Variants in AGAP2 observed in about 807,000 individuals in gnomAD.
AGAP2 encodes ArfGAP with GTPase domain, ankyrin repeat and PH domain 2.
Under a neutral mutation model 110.9 loss-of-function variants are expected in AGAP2, and 32 were observed. The ratio of observed to expected loss-of-function variants is 0.29; its 90% CI spans 0.22 to 0.39. The LOEUF (loss-of-function observed/expected upper bound fraction) is 0.39. Among genes scored for constraint, AGAP2 ranks in the 10% least tolerant of loss-of-function variants. The pLI is 1.00. For missense variants in AGAP2, 1,285 were observed against 1,638.5 expected (o/e 0.78, Z 3.72); for synonymous variants, 702 against 713.0 (o/e 0.98, Z 0.25).
In AGAP2 at chr12:57,727,064, G is replaced by T; in HGVS notation, c.3246C>A (p.Leu1082=). The change falls in exon 18 of 19, where the codon CTC becomes CTA. Residue 1082 remains leucine (L), a synonymous_variant. Coordinates refer to ENST00000547588, the MANE Select transcript of AGAP2 (RefSeq NM_001122772.3). ...LLLAHARHGP[L]DTSVEDPQLR... is the part of the protein sequence containing the mutation. Reference sequence around the variant, plus strand: ...GCTGTGGGTCCTCTACGCTGGTGTCGAGCGGCCCGTGTCGCGCATGGGCCA... The same window carrying T: ...GCTGTGGGTCCTCTACGCTGGTGTCTAGCGGCCCGTGTCGCGCATGGGCCA... 6.2e-7 allele frequency: 1 copy of T among 1,600,314 alleles called. No homozygotes were observed. Among genetic ancestry groups the T allele is most frequent in the Non-Finnish European group, 8.5e-7 (1 of 1,174,336 alleles).
chr12:57,728,916 C>T (rs1221124843), intron 13 of AGAP2, among the ~76,000 whole-genome samples: 1 of 152,088 alleles, frequency 6.6e-6, no homozygotes, highest in Non-Finnish European at 1.5e-5. Flanking sequence ...TCCCCACCGC[C>T]TGTAATCCCA....
chr12:57,733,180 G>A (rs1595089450), intron 5 of AGAP2, among the ~76,000 whole-genome samples: 1 of 151,340 alleles, frequency 6.6e-6, no homozygotes, highest in Non-Finnish European at 1.5e-5. Context: ...ACCTAGCTGG[G>A]TGAGCTGTGT....
intron 5 of AGAP2, 76 bp downstream of exon 5, chr12:57,733,950 C>A (rs182896976): frequency 4.0e-6 from 6 of 1,487,584 alleles, no homozygotes; most frequent in Non-Finnish European, 5.4e-6. Flanking sequence ...ACCAAGTTCT[C>A]ACCCATGTTG....
At position 57,730,554 on chromosome 12, in the gene AGAP2, T is replaced by A. The variant is rs757577606; in HGVS notation, c.2369A>T (p.Asp790Val). 1.2e-5 allele frequency: 20 copies of A among 1,614,050 alleles called. 1 individual carries two copies. The South Asian group carries it at 2.2e-4, about 18-fold the overall frequency. Residue 790 changes from aspartate (D) to valine (V), a missense_variant, in exon 12 of 19, where the codon GAT (aspartate) becomes GTT (valine). By Grantham distance (152) the Asp-to-Val change is radical. Coordinates refer to ENST00000547588, the MANE Select transcript of AGAP2 (RefSeq NM_001122772.3). ...CTTCAGCAGGTGTTTGGATGTCTGA[T>A]CTGGTGGTGGCTGCAGGGAACTGGG... ...PSPSSLQPPP[D>V]QTSKHLLKPD...
upstream of AGAP2, among the ~76,000 whole-genome samples, chr12:57,740,795 G>A (rs1350059528): frequency 2.0e-5 from 3 of 152,122 alleles, no homozygotes; most frequent in East Asian, 5.8e-4. Context: ...ACTAGCCTCC[G>A]AAGAACAATG....
rs1954959976 is a variant in AGAP2, at chr12:57,735,354, G to A, written c.1227+15C>T. ...GGTCAGCCTTCCCTATAGGCAAGGG[G>A]ACTGGGTTACCTACCAGGCGCAGTT... On this transcript the variant is annotated intron_variant, in intron 2 of 18. Coordinates refer to ENST00000547588, the MANE Select transcript of AGAP2 (RefSeq NM_001122772.3). 1.2e-6 allele frequency: 2 copies of A among 1,613,646 alleles called. No individual in the cohort carries two copies. The highest frequency in any genetic ancestry group is 2.2e-5 in the South Asian group (2 of 90,944).
rs144509068 is a variant in AGAP2 at position 57,730,521 on chromosome 12, C to T, written c.2402G>A (p.Arg801Gln). 42 of 1,614,046 alleles carry T rather than the reference C, an allele frequency of 2.6e-5. No homozygotes were observed. In the African/African-American group the frequency reaches 4.0e-4, roughly 15 times the overall value. ...CGTGCTGAGGGCTCGGGCCAAATTC[C>T]GGTCTGGCTTCAGCAGGTGTTTGGA... Reference protein sequence around the residue: ...QTSKHLLKPDRNLARALSTDC... With the variant: ...QTSKHLLKPDQNLARALSTDC... Residue 801 changes from arginine (R) to glutamine (Q), a missense_variant, in exon 12 of 19, where the codon CGG (arginine) becomes CAG (glutamine). Arg to Gln is a conservative substitution (Grantham distance 43). Coordinates refer to ENST00000547588, the MANE Select transcript of AGAP2 (RefSeq NM_001122772.3).
intron 5 of AGAP2, 57 bp downstream of exon 5, chr12:57,733,969 C>T: frequency 6.6e-7 from 1 of 1,513,708 alleles, no homozygotes. Flanking sequence ...TGGGCAATAT[C>T]CCAGTAGCCT....
intron 14 of AGAP2, 52 bp downstream of exon 14, chr12:57,728,266 C>G (rs1437671258): frequency 6.3e-7 from 1 of 1,598,700 alleles, no homozygotes; most frequent in Non-Finnish European, 8.5e-7. Context: ...CGGGGGCACC[C>G]CCACCCTTCT....
chr12:57,737,423 GTCTTAC>G lies in AGAP2; in HGVS notation c.818_823del (p.Ser273_Lys274del), dbSNP rs1565797935. The G allele has an allele frequency of 6.2e-7, 1 of 1,613,766 alleles. No homozygotes were observed. Among genetic ancestry groups the G allele is most frequent in the South Asian group, 1.1e-5 (1 of 91,082 alleles). The stretch of plus-strand genomic sequence containing the variant: ...CGGATGCAAGTCACTGTTGTCCAAG[GTCTTAC>G]TCTTGCCTTTCCGAGGGGACAACTT... On this transcript the variant is annotated inframe_deletion, in exon 1 of 19. Transcript: ENST00000547588. This position sits in a 1 kb window ranked among gnomAD's most constrained non-coding sequence, Gnocchi z 5.9.
chr12:57,729,546 G>A, intron 13 of AGAP2, 93 bp downstream of exon 13: 1 of 1,523,600 alleles, frequency 6.6e-7, no homozygotes, highest in Non-Finnish European at 8.8e-7. Context: ...CTCAGCTCAG[G>A]CACTTTTCCT....
chr12:57,724,319 A>G (rs999197865), downstream of AGAP2: 3 of 152,272 alleles, frequency 2.0e-5, no homozygotes, highest in African/African-American at 2.4e-5. Flanking sequence ...CTCAAGGTAG[A>G]TAACAACATA....
In AGAP2 at chr12:57,737,962, CG is replaced by C; in HGVS notation, c.284del (p.Pro95ArgfsTer33). The C allele has an allele frequency of 7.1e-7, 1 of 1,407,546 alleles. No individual in the cohort carries two copies. The allele number at this position is 1,407,546 out of a possible 1,614,324, so 87.2% of individuals were successfully genotyped here. On this transcript the variant is annotated frameshift_variant, in exon 1 of 19. Coordinates refer to ENST00000547588, the MANE Select transcript of AGAP2 (RefSeq NM_001122772.3). LOFTEE classifies it high-confidence loss of function. The surrounding 1 kb of genome is among the most constrained non-coding windows in gnomAD (Gnocchi z 5.9). ...TGGAEPPALS[P>X]APASPARPVS... ...CTGGGCGGGCCGGACTGGCCGGAGC[CG>C]GGGACAGGGCTGGGGGCTCCGCGCC...
chr12:57,740,132 C>T (rs927714250), upstream of AGAP2, among the ~76,000 whole-genome samples: 5 of 152,204 alleles, frequency 3.3e-5, no homozygotes, highest in Non-Finnish European at 7.4e-5. Context: ...ACCCTCCTGA[C>T]GCAGCTGAGA....
At chr12:57,739,606 T>C (rs1225898406), upstream of AGAP2, 1 of 152,334 alleles carries the variant, frequency 6.6e-6, no homozygotes, top group East Asian at 1.9e-4. Flanking sequence ...CATGCCAAAA[T>C]GCATCCAGTC....
In AGAP2 at chr12:57,735,360, G is replaced by C. The variant is rs1476784555; in HGVS notation, c.1227+9C>G. ...CCTTCCCTATAGGCAAGGGGACTGG[G>C]TTACCTACCAGGCGCAGTTCAGGAA... On this transcript the variant is annotated intron_variant, in intron 2 of 18. Transcript: ENST00000547588. 1 of 1,613,812 alleles carries C rather than the reference G, an allele frequency of 6.2e-7. No individual in the cohort carries two copies. Among genetic ancestry groups the C allele is most frequent in the Non-Finnish European group, 8.5e-7 (1 of 1,179,868 alleles).
chr12:57,734,476 C>T, intron 3 of AGAP2, 72 bp from the exon 4 acceptor site: 5 of 1,592,486 alleles, frequency 3.1e-6, no homozygotes, highest in Non-Finnish European at 4.3e-6. Context: ...GCTCCCAGTG[C>T]TTTTGCTATT....
chr12:57,736,271 A>C (rs1954980685), intron 1 of AGAP2, among the ~76,000 whole-genome samples: 1 of 152,124 alleles, frequency 6.6e-6, no homozygotes, highest in African/African-American at 2.4e-5. Flanking sequence ...CCGAACCAAG[A>C]GTCTCCTGCC....
At position 57,737,141 on chromosome 12, in the gene AGAP2, G is replaced by C. The variant is rs1381811779; in HGVS notation, c.1106C>G (p.Pro369Arg). Residue 369 changes from proline to arginine, a missense_variant, in exon 1 of 19, where the codon CCC (proline) becomes CGC (arginine). Transcript: ENST00000547588. The surrounding 1 kb of genome is among the most constrained non-coding windows in gnomAD (Gnocchi z 5.9). Reference protein sequence around the residue: ...PPGSGPLPGPPSLSSGSGSRE... With the variant: ...PPGSGPLPGPRSLSSGSGSRE... ...GGACCCGCTGCCAGAAGACAGGCTG[G>C]GGGGTCCGGGAAGGGGCCCGGAGCC... 1.3e-6 allele frequency: 2 copies of C among 1,568,758 alleles called. No homozygotes were observed. The highest frequency in any genetic ancestry group is 1.9e-5 in the Admixed American group (1 of 52,834).
Sources: gnomAD v4.1 joint callset for allele counts (sites outside exome capture counted in the v4.1 genomes callset) on GRCh38, gnomAD v4.1.1 for gene constraint, Gnocchi (gnomAD v3.1) non-coding constraint, MANE v1.5 for transcripts, NCBI Gene and HGNC (gene_info 2026-07-23, HGNC 2026-07-21) for gene names.